The following PTPN4 variants were observed in gnomAD, a reference collection of about 807,000 sequenced individuals.
PTPN4 encodes tyrosine-protein phosphatase non-receptor type 4.
Under a neutral mutation model 135.5 loss-of-function variants are expected in PTPN4, and 49 were observed. The ratio of observed to expected loss-of-function variants is 0.36; its 90% CI spans 0.29 to 0.46. PTPN4 has a LOEUF of 0.46. Ranked by LOEUF, PTPN4 falls within the 20% of genes least tolerant of loss-of-function variation. The probability of loss-of-function intolerance (pLI) is 1.00; values close to 1 mark genes in which losing one functional copy is unlikely to be tolerated. For synonymous variants in PTPN4, 333 were observed against 369.9 expected, an observed-to-expected ratio of 0.90 and a Z score of 1.14; for missense variants, 860 against 1,101.0, an observed-to-expected ratio of 0.78 and a Z score of 3.10.
At chr2:119,849,390 C>T (rs924129863) in intron 2 of PTPN4, among the ~76,000 whole-genome samples, 2 of 152,200 alleles carry the variant, frequency 1.3e-5, no homozygotes, top group African/African-American at 4.8e-5. Flanking sequence ...CAGCCTCAAC[C>T]TCCCAGACTC....
intron 1 of PTPN4, among the ~76,000 whole-genome samples, chr2:119,769,187 G>C (rs1202423311): frequency 6.6e-6 from 1 of 152,184 alleles, no homozygotes; most frequent in Admixed American, 6.5e-5. Flanking sequence ...TGAAAGAAAG[G>C]TTGTGAGAGA....
At chr2:119,777,053 G>T (rs1690849665) in intron 1 of PTPN4, among the ~76,000 whole-genome samples, 1 of 152,078 alleles carries the variant, frequency 6.6e-6, no homozygotes, top group South Asian at 2.1e-4. Context: ...TTTTACTGTG[G>T]CCAAAAAAGC....
Position 119,965,601 on chromosome 2 carries a change from A to G in PTPN4, c.2514A>G (p.Arg838=), listed in dbSNP as rs1431685604. The G allele has an allele frequency of 6.2e-7, 1 of 1,614,078 alleles. No individual in the cohort carries two copies. The highest frequency in any genetic ancestry group is 8.5e-7 in the Non-Finnish European group (1 of 1,179,994). The change falls in exon 25 of 27, where the codon CGA becomes CGG. Residue 838 remains arginine (R), a synonymous_variant. Coordinates refer to ENST00000263708, the MANE Select transcript of PTPN4 (RefSeq NM_002830.4). The part of the protein sequence containing the change: ...SDFLDFVCHV[R]NKRAGKEEPV... ...TTCTAGATTTTGTTTGTCATGTACGAAACAAGAGGGCTGGCAAGGAAGAAC... is the reference window on the plus strand; with the variant it reads ...TTCTAGATTTTGTTTGTCATGTACGGAACAAGAGGGCTGGCAAGGAAGAAC...
chr2:119,766,397 C>A (rs1486243458), intron 1 of PTPN4, among the ~76,000 whole-genome samples: 1 of 151,776 alleles, frequency 6.6e-6, no homozygotes, highest in Admixed American at 6.6e-5. Context: ...CTCTTTTTCC[C>A]TCCCTTTACC....
chr2:119,938,567 A>C (rs1482878203), intron 15 of PTPN4, among the ~76,000 whole-genome samples: 1 of 152,206 alleles, frequency 6.6e-6, no homozygotes, highest in Non-Finnish European at 1.5e-5. Context: ...TATCAATTAA[A>C]GTTAAATATG....
intron 2 of PTPN4, among the ~76,000 whole-genome samples, chr2:119,816,456 C>T (rs1375631505): frequency 6.6e-6 from 1 of 152,072 alleles, no homozygotes; most frequent in Non-Finnish European, 1.5e-5. Context: ...CTTTTTGGCA[C>T]CAGGAACCGG....
intron 1 of PTPN4, among the ~76,000 whole-genome samples, chr2:119,784,623 G>A (rs1166170758): frequency 6.6e-6 from 1 of 151,420 alleles, no homozygotes; most frequent in Non-Finnish European, 1.5e-5. Flanking sequence ...TCCTGACCTT[G>A]TGATCTGCCC....
chr2:119,963,915 A>G lies in PTPN4; in HGVS notation c.2409+1171A>G, dbSNP rs148499057. Among the ~76,000 whole-genome samples, 533 of 152,328 alleles carry G rather than the reference A, an allele frequency of 3.5e-3. 2 individuals carry two copies. Among genetic ancestry groups the G allele is most frequent in the Non-Finnish European group, 5.7e-3 (386 of 68,020 alleles). ...ATTATCCATGACAGTTTTATATACC[A>G]TAGTGGCTTTTCTTTACACACCCTG... On this transcript the variant is annotated intron_variant, in intron 24 of 26. Coordinates refer to ENST00000263708, the MANE Select transcript of PTPN4 (RefSeq NM_002830.4).
intron 1 of PTPN4, among the ~76,000 whole-genome samples, chr2:119,767,627 A>G (rs1472722970): frequency 1.3e-5 from 2 of 152,202 alleles, no homozygotes; most frequent in Admixed American, 6.5e-5. Context: ...TGATTCCTCA[A>G]TATTTCCCTG....
At chr2:119,882,288 C>T (rs2105002400) in intron 7 of PTPN4, 139 bp downstream of exon 7, 1 of 1,051,774 alleles carries the variant, frequency 9.5e-7, no homozygotes, top group East Asian at 2.5e-5. Flanking sequence ...AATGAAATCT[C>T]CAGTTAGTTA....
chr2:119,935,073 C>T, intron 15 of PTPN4, 115 bp downstream of exon 15: 1 of 1,234,108 alleles, frequency 8.1e-7, no homozygotes, highest in Non-Finnish European at 1.1e-6. Context: ...TGCAACTTTT[C>T]AAAATGTGTA....
At position 119,984,058 on chromosome 2, in the gene PTPN4, C is replaced by T. The variant is rs1381112261; in HGVS notation, c.*6988C>T. 1.3e-5 allele frequency among the ~76,000 whole-genome samples: 2 copies of T among 152,056 alleles called. No individual in the cohort carries two copies. Among genetic ancestry groups the T allele is most frequent in the East Asian group, 3.9e-4 (2 of 5,190 alleles). ...ACATTAAACTGTTTTTATTTTCTGCCAGTAGACTCTATCTGCTTAAAAAAA... is the reference window on the plus strand; with the variant it reads ...ACATTAAACTGTTTTTATTTTCTGCTAGTAGACTCTATCTGCTTAAAAAAA... On this transcript the variant is annotated 3_prime_UTR_variant, in exon 27 of 27. Coordinates refer to ENST00000263708, the MANE Select transcript of PTPN4 (RefSeq NM_002830.4).
intron 3 of PTPN4, among the ~76,000 whole-genome samples, chr2:119,874,092 G>C (rs1409201038): frequency 6.6e-6 from 1 of 152,090 alleles, no homozygotes; most frequent in Non-Finnish European, 1.5e-5. Flanking sequence ...ACCAAATATG[G>C]TATAGCTATA....
intron 23 of PTPN4, among the ~76,000 whole-genome samples, chr2:119,961,934 G>C (rs1189775069): frequency 6.6e-6 from 1 of 152,108 alleles, no homozygotes; most frequent in Non-Finnish European, 1.5e-5. Flanking sequence ...ATTGGTATAG[G>C]GTTTATTTTG....
chr2:119,934,467 A>G (rs1184019890), intron 14 of PTPN4, among the ~76,000 whole-genome samples: 3 of 152,234 alleles, frequency 2.0e-5, no homozygotes, highest in Non-Finnish European at 4.4e-5. Flanking sequence ...ACTAGAATAT[A>G]TTTCTAAATG....
chr2:119,776,616 C>T (rs1356208593), intron 1 of PTPN4, among the ~76,000 whole-genome samples: 3 of 152,292 alleles, frequency 2.0e-5, no homozygotes, highest in African/African-American at 7.2e-5. Flanking sequence ...CACCCAGAAA[C>T]AGCAACACCA....
chr2:119,956,112 A>G (rs1679277742), intron 20 of PTPN4, among the ~76,000 whole-genome samples: 1 of 152,024 alleles, frequency 6.6e-6, no homozygotes, highest in South Asian at 2.1e-4. Context: ...AGATCATTAT[A>G]TCCAATGAAC....
intron 2 of PTPN4, among the ~76,000 whole-genome samples, chr2:119,821,755 G>A (rs1677071100): frequency 6.6e-6 from 1 of 152,194 alleles, no homozygotes; most frequent in South Asian, 2.1e-4. Context: ...TGTGTGGGAT[G>A]TGTGCTAGTT....
intron 1 of PTPN4, among the ~76,000 whole-genome samples, chr2:119,760,954 A>T (rs1211561371): frequency 1.3e-5 from 2 of 151,544 alleles, no homozygotes; most frequent in African/African-American, 2.4e-5. Flanking sequence ...AACAGCTTAC[A>T]GTTGCACAGG....
Sources: allele counts gnomAD v4.1 joint callset (sites outside exome capture counted in the v4.1 genomes callset), GRCh38; gene constraint gnomAD v4.1.1; transcripts MANE v1.5; gene names NCBI Gene and HGNC (gene_info 2026-07-23, HGNC 2026-07-21).